The following PHF20L1 variants were observed in gnomAD, a reference collection of about 807,000 sequenced individuals.
PHF20L1 encodes the protein PHD finger protein 20 like 1.
A neutral mutation model predicts 125.5 loss-of-function variants in PHF20L1; 44 were observed. That is an observed-to-expected ratio of 0.35 (90% CI 0.28 to 0.45). PHF20L1 has a LOEUF of 0.45. Ranked by LOEUF, PHF20L1 falls within the 20% of genes least tolerant of loss-of-function variation. The probability of loss-of-function intolerance (pLI) is 1.00; values close to 1 mark genes in which losing one functional copy is unlikely to be tolerated. For missense variants in PHF20L1, 1,012 were observed against 1,217.2 expected, an observed-to-expected ratio of 0.83 and a Z score of 2.51; for synonymous variants, 380 against 403.1, an observed-to-expected ratio of 0.94 and a Z score of 0.69.
chr8:132,814,329 A>G (rs1384485610), intron 9 of PHF20L1, among the ~76,000 whole-genome samples: 1 of 151,954 alleles, frequency 6.6e-6, no homozygotes, highest in Non-Finnish European at 1.5e-5. Context: ...CTAAAGGGGT[A>G]TATTTCTATT....
chr8:132,792,993 A>G (rs1381751604), intron 2 of PHF20L1, among the ~76,000 whole-genome samples: 1 of 144,630 alleles, frequency 6.9e-6, no homozygotes, highest in Non-Finnish European at 1.5e-5. Context: ...AGTGCCACAC[A>G]TATCAGTGTT....
Position 132,843,851 on chromosome 8 carries a change from A to T in PHF20L1, c.2749-305A>T, listed in dbSNP as rs547631114. The T allele has an allele frequency of 2.0e-3, 1,988 of 983,038 alleles. 4 individuals are homozygous for T. The highest frequency in any genetic ancestry group is 4.2e-3 in the Admixed American group (68 of 16,206). 60.9% of individuals were successfully genotyped at this position (983,038 alleles called of 1,614,324 possible). A position where few individuals can be genotyped will look rare whatever the true frequency, so the allele number is the denominator to read the frequency against. ...TTAATTGAGGAAGAGGCCAGTCTAAATTAATCAGGAATTCTAATTACACAA... is the reference window on the plus strand; with the variant it reads ...TTAATTGAGGAAGAGGCCAGTCTAATTTAATCAGGAATTCTAATTACACAA... On this transcript the variant is annotated intron_variant, in intron 19 of 20. Transcript: ENST00000395386.
chr8:132,800,683 C>T (rs1218878139), intron 6 of PHF20L1, among the ~76,000 whole-genome samples: 1 of 151,622 alleles, frequency 6.6e-6, no homozygotes, highest in Admixed American at 6.6e-5. Context: ...ATATGCAAAC[C>T]TCCGAAGTAA....
chr8:132,791,880 C>T (rs933672433), intron 2 of PHF20L1, among the ~76,000 whole-genome samples: 1 of 152,146 alleles, frequency 6.6e-6, no homozygotes, highest in African/African-American at 2.4e-5. Context: ...TTGGTTGATG[C>T]GTCAGGCATC....
intron 8 of PHF20L1, chr8:132,807,339 T>C (rs1049109667): frequency 6.2e-6 from 1 of 162,138 alleles, no homozygotes; most frequent in African/African-American, 2.4e-5. Flanking sequence ...GTCCATACTT[T>C]TGGAACAAAG....
Position 132,814,809 on chromosome 8 carries a change from C to T in PHF20L1, c.1103C>T (p.Ser368Leu). ...DSSGCIKPPKSPLSPELIQVE... is the reference protein window; with the variant it reads ...DSSGCIKPPKLPLSPELIQVE... ...TCTGGGTGTATAAAACCCCCTAAAT[C>T]ACCACTTTCCCCAGAATTAATACAA... The change falls in exon 10 of 21, where the codon TCA becomes TTA. Residue 368 changes from serine (S) to leucine (L), a missense_variant. Transcript: ENST00000395386. The T allele has an allele frequency of 6.2e-7, 1 of 1,611,946 alleles. No homozygotes were observed. Among genetic ancestry groups the T allele is most frequent in the Non-Finnish European group, 8.5e-7 (1 of 1,178,324 alleles).
chr8:132,800,273 A>G (rs1038611132), intron 6 of PHF20L1, among the ~76,000 whole-genome samples: 3 of 151,788 alleles, frequency 2.0e-5, no homozygotes, highest in Non-Finnish European at 2.9e-5. Context: ...GCATTATAAC[A>G]TTAAGATCAG....
intron 12 of PHF20L1, among the ~76,000 whole-genome samples, chr8:132,819,160 C>T (rs1835307639): frequency 6.6e-6 from 1 of 151,846 alleles, no homozygotes; most frequent in Non-Finnish European, 1.5e-5. Flanking sequence ...AATATTCTTT[C>T]CCTTTTTAAA....
At chr8:132,798,678 C>G in intron 4 of PHF20L1, 94 bp from the exon 5 acceptor site, 1 of 724,984 alleles carries the variant, frequency 1.4e-6, no homozygotes, top group Non-Finnish European at 2.3e-6. Flanking sequence ...ATTCCTAAAG[C>G]ATTTATCTAT....
At position 132,796,608 on chromosome 8, in the gene PHF20L1, C is replaced by T. The variant is rs149527067; in HGVS notation, c.340+1791C>T. ...ATGGTTTTCTTACCACTGGTTACCC[C>T]TACAGAAAGAGTTGAGAGACATCTC... On this transcript the variant is annotated intron_variant, in intron 4 of 20. Transcript: ENST00000395386. Among the ~76,000 whole-genome samples the T allele has an allele frequency of 1.5e-3, 226 of 152,192 alleles. 6 individuals are homozygous for T. Among genetic ancestry groups the T allele is most frequent in the Admixed American group, 0.011 (169 of 15,260 alleles).
intron 13 of PHF20L1, chr8:132,824,876 T>TA (rs1835992378): frequency 8.0e-6 from 3 of 376,878 alleles, no homozygotes; most frequent in African/African-American, 2.1e-5. Flanking sequence ...TTTTTTTTTT[T>TA]AAATCTCCTA....
chr8:132,793,851 G>C (rs1832069372), intron 2 of PHF20L1, among the ~76,000 whole-genome samples: 2 of 152,118 alleles, frequency 1.3e-5, no homozygotes, highest in African/African-American at 4.8e-5. Flanking sequence ...TGTACATGCT[G>C]ATGTATTTTT....
chr8:132,830,025 G>A (rs1458370904), intron 14 of PHF20L1, among the ~76,000 whole-genome samples: 1 of 152,138 alleles, frequency 6.6e-6, no homozygotes, highest in Non-Finnish European at 1.5e-5. Context: ...AAAAAAATAT[G>A]TATTTATTAT....
intron 13 of PHF20L1, 97 bp from the exon 14 acceptor site, chr8:132,825,167 A>G (rs1215419066): frequency 6.4e-7 from 1 of 1,559,902 alleles, no homozygotes; most frequent in East Asian, 2.4e-5. Context: ...GGTGACTGGA[A>G]TAGCTGATTA....
In PHF20L1 at chr8:132,811,141, A is replaced by G. The variant is rs1586954384; in HGVS notation, c.930+13A>G. On this transcript the variant is annotated intron_variant, in intron 9 of 20. Coordinates refer to ENST00000395386, the MANE Select transcript of PHF20L1 (RefSeq NM_016018.5). ...AATGCTGGAGCAGGTATGAAATGGTAGCATTTGATTTTTTTCAAGGTTCCC... is the reference window on the plus strand; with the variant it reads ...AATGCTGGAGCAGGTATGAAATGGTGGCATTTGATTTTTTTCAAGGTTCCC... 2 of 1,611,662 alleles carry G rather than the reference A, an allele frequency of 1.2e-6. No homozygotes were observed. Among genetic ancestry groups the G allele is most frequent in the South Asian group, 2.2e-5 (2 of 91,018 alleles).
chr8:132,787,091 A>G (rs539762697), intron 2 of PHF20L1, among the ~76,000 whole-genome samples: 5 of 152,138 alleles, frequency 3.3e-5, no homozygotes, highest in South Asian at 4.1e-4. Flanking sequence ...TGAGTCAAAT[A>G]CTGATGACAG....
In PHF20L1 at chr8:132,800,231, A is replaced by G. The variant is rs1832890318; in HGVS notation, c.507+1059A>G. ...TTGGATGTTATGGATGTTTGTTTTT[A>G]ATAAGTAGTGATTCTTTAGTCACAC... On this transcript the variant is annotated intron_variant, in intron 6 of 20. Transcript: ENST00000395386. 2.0e-5 allele frequency among the ~76,000 whole-genome samples: 3 copies of G among 151,770 alleles called. No individual in the cohort carries two copies. The South Asian group carries it at 6.2e-4, about 31-fold the overall frequency.
At chr8:132,815,715 C>T (rs925138842) in intron 10 of PHF20L1, 1 of 151,798 alleles carries the variant, frequency 6.6e-6, no homozygotes, top group Admixed American at 6.6e-5. Flanking sequence ...TTTTATCAAA[C>T]TTATTAACCT....
chr8:132,804,767 G>T, intron 8 of PHF20L1, 27 bp downstream of exon 8: 1 of 1,555,888 alleles, frequency 6.4e-7, no homozygotes, highest in Non-Finnish European at 8.7e-7. Flanking sequence ...TTTTTTTTGA[G>T]GGGGGGAAAT....
Sources: allele counts gnomAD v4.1 joint callset (sites outside exome capture counted in the v4.1 genomes callset), GRCh38; gene constraint gnomAD v4.1.1; transcripts MANE v1.5; gene names NCBI Gene and HGNC (gene_info 2026-07-23, HGNC 2026-07-21).